The following OSBPL7 variants were observed in gnomAD, a reference collection of about 807,000 sequenced individuals.
The protein encoded by OSBPL7 is oxysterol binding protein like 7, also known as oxysterol-binding protein-related protein 7.
In OSBPL7, 66 loss-of-function variants were observed where a neutral mutation model predicts 115.8. That is an observed-to-expected ratio of 0.57 (90% CI 0.47 to 0.70). The LOEUF (loss-of-function observed/expected upper bound fraction) is 0.70, where lower values mean the gene tolerates loss of function less well. Ranked by LOEUF, OSBPL7 falls within the 30% of genes least tolerant of loss-of-function variation. OSBPL7 has a pLI of 0.00. For synonymous variants in OSBPL7, 441 were observed against 439.2 expected (o/e 1.00, Z -0.05); for missense variants, 902 against 1,125.5 (o/e 0.80, Z 2.84).
Position 47,816,676 on chromosome 17 carries a change from G to T in OSBPL7, c.815C>A (p.Ser272Tyr). ...TIGRVGRLHG[S>Y]VPNLSRYLES... ...CAGGTAGCGAGACAGGTTGGGAACA[G>T]AGCCATGGAGACGACCAACCTGTAG... Residue 272 changes from serine to tyrosine, a missense_variant, in exon 10 of 23, where the codon TCT becomes TAT. Physicochemically the swap from Ser to Tyr is moderately radical, Grantham distance 144. Coordinates refer to ENST00000007414, the MANE Select transcript of OSBPL7 (RefSeq NM_145798.3). This position sits in a 1 kb window ranked among gnomAD's most constrained non-coding sequence, Gnocchi z 5.8. The T allele has an allele frequency of 6.2e-7, 1 of 1,614,110 alleles. No homozygotes were observed. The highest frequency in any genetic ancestry group is 8.5e-7 in the Non-Finnish European group (1 of 1,180,030).
Position 47,818,385 on chromosome 17 carries a change from A to G in OSBPL7, c.482T>C (p.Val161Ala). 2 of 1,613,312 alleles carry G rather than the reference A, an allele frequency of 1.2e-6. No individual in the cohort carries two copies. Among genetic ancestry groups the G allele is most frequent in the Non-Finnish European group, 1.7e-6 (2 of 1,179,564 alleles). ...TGCTGTTGGAAGCTGGGCACCAGGA[A>G]CCTGTGGGGTGAGCCCAGGGTCAGG... is the stretch of plus-strand genomic sequence containing the variant. ...GSLPSTAHRKVPGAQLPTAAT... is the reference protein window; with the variant it reads ...GSLPSTAHRKAPGAQLPTAAT... Residue 161 changes from valine (V) to alanine (A), a missense_variant and splice_region_variant, in exon 7 of 23, where the codon GTT becomes GCT. Coordinates refer to ENST00000007414, the MANE Select transcript of OSBPL7 (RefSeq NM_145798.3).
Position 47,820,053 on chromosome 17 carries a change from A to C in OSBPL7, c.119T>G (p.Leu40Arg). 6.2e-7 allele frequency: 1 copy of C among 1,612,086 alleles called. No homozygotes were observed. Among genetic ancestry groups the C allele is most frequent in the Non-Finnish European group, 8.5e-7 (1 of 1,179,904 alleles). The change falls in exon 3 of 23, where the codon CTG (leucine) becomes CGG (arginine). Residue 40 changes from leucine to arginine, a missense_variant. Leu to Arg is a moderately radical substitution (Grantham distance 102). Around this residue, in one of 3 missense-constraint regions of OSBPL7, gnomAD observed 667 missense variants for 788.7 expected, o/e 0.85. Coordinates refer to ENST00000007414, the MANE Select transcript of OSBPL7 (RefSeq NM_145798.3). Reference sequence around the variant, plus strand: ...CTCAGGCATGACACCCTCTGTCCCCAGCCTGACCCGAGGCTCCTCCACCAC... The same window carrying C: ...CTCAGGCATGACACCCTCTGTCCCCCGCCTGACCCGAGGCTCCTCCACCAC... ...WEVVEEPRVR[L>R]GTEGVMPERQ... is the part of the protein sequence containing the mutation.
Position 47,813,329 on chromosome 17 carries a change from A to G in OSBPL7, c.1674T>C (p.Pro558=). ...YHRAGCKPFN[P]VLGETYECER... is the part of the protein sequence containing the mutation. ...CACACTCGTAGGTCTCCCCCAGGAC[A>G]GGGTTGAAGGGCTTGCAGCCGGCTC... The change falls in exon 16 of 23, where the codon CCT becomes CCC. Residue 558 remains proline, a synonymous_variant. Transcript: ENST00000007414. 1 of 1,614,048 alleles carries G rather than the reference A, an allele frequency of 6.2e-7. No individual in the cohort carries two copies. The highest frequency in any genetic ancestry group is 8.5e-7 in the Non-Finnish European group (1 of 1,180,012).
At chr17:47,820,543 T>C in intron 1 of OSBPL7, 178 bp from the exon 2 acceptor site, 1 of 460,834 alleles carries the variant, frequency 2.2e-6, no homozygotes, top group Non-Finnish European at 3.9e-6. Flanking sequence ...ATATGGACAC[T>C]GCCCTGAGAG....
intron 15 of OSBPL7, 31 bp downstream of exon 15, chr17:47,813,556 T>G (rs956010590): frequency 6.3e-7 from 1 of 1,598,468 alleles, no homozygotes; most frequent in African/African-American, 1.3e-5. Flanking sequence ...GAAGCAGCCT[T>G]GGGCTGGGCG....
chr17:47,819,676 G>T, intron 4 of OSBPL7, 53 bp downstream of exon 4: 1 of 1,605,950 alleles, frequency 6.2e-7, no homozygotes, highest in Non-Finnish European at 8.5e-7. Flanking sequence ...GCCTGCCCAG[G>T]GCATACTGGG....
At chr17:47,814,333 C>T (rs1373022283) in intron 14 of OSBPL7, among the ~76,000 whole-genome samples, 188 bp downstream of exon 14, 2 of 152,258 alleles carry the variant, frequency 1.3e-5, no homozygotes, top group Admixed American at 6.5e-5. Context: ...TGGCCCACCC[C>T]AGCAGAGCTG....
rs760766307 is a variant in OSBPL7, at chr17:47,820,070, C to T, written c.102G>A (p.Glu34=). Residue 34 remains glutamate (E), a synonymous_variant, in exon 3 of 23, where the codon GAG becomes GAA. Coordinates refer to ENST00000007414, the MANE Select transcript of OSBPL7 (RefSeq NM_145798.3). Reference sequence around the variant, plus strand: ...CTGTCCCCAGCCTGACCCGAGGCTCCTCCACCACCTCCCACAGCTCAGAGG... The same window carrying T: ...CTGTCCCCAGCCTGACCCGAGGCTCTTCCACCACCTCCCACAGCTCAGAGG... ...QQASELWEVV[E]EPRVRLGTEG... 3.1e-6 allele frequency: 5 copies of T among 1,612,550 alleles called. No homozygotes were observed. The highest frequency in any genetic ancestry group is 2.2e-5 in the East Asian group (1 of 44,878).
chr17:47,821,366 G>A (rs2143569179), intron 1 of OSBPL7, among the ~76,000 whole-genome samples: 1 of 152,308 alleles, frequency 6.6e-6, no homozygotes, highest in South Asian at 2.1e-4. Context: ...AGGAGGTTGG[G>A]GCAGAGGGAC....
chr17:47,820,285 G>A lies in OSBPL7; in HGVS notation c.-7C>T. 1 of 1,612,978 alleles carries A rather than the reference G, an allele frequency of 6.2e-7. No individual in the cohort carries two copies. The highest frequency in any genetic ancestry group is 8.5e-7 in the Non-Finnish European group (1 of 1,179,520). On this transcript the variant is annotated 5_prime_UTR_variant, in exon 2 of 23. Coordinates refer to ENST00000007414, the MANE Select transcript of OSBPL7 (RefSeq NM_145798.3). ...CCCTCTCTTGGAAGTCCATGGAGAA[G>A]GGAGAGGCCACTCCCTGCTGGGGAT...
In OSBPL7 at chr17:47,816,749, C is replaced by T; in HGVS notation, c.795+31G>A. On this transcript the variant is annotated intron_variant, in intron 9 of 22. Coordinates refer to ENST00000007414, the MANE Select transcript of OSBPL7 (RefSeq NM_145798.3). The surrounding 1 kb of genome is among the most constrained non-coding windows in gnomAD (Gnocchi z 5.8). Reference sequence around the variant, plus strand: ...GCCGGCCTCCTTAGAGCATCCTGCCCCAGCTACGTGAGGTGCATGCCCGAC... The same window carrying T: ...GCCGGCCTCCTTAGAGCATCCTGCCTCAGCTACGTGAGGTGCATGCCCGAC... 1 of 1,614,056 alleles carries T rather than the reference C, an allele frequency of 6.2e-7. No individual in the cohort carries two copies. Among genetic ancestry groups the T allele is most frequent in the African/African-American group, 1.3e-5 (1 of 74,998 alleles).
chr17:47,814,921 A>G, intron 13 of OSBPL7: 1 of 559,174 alleles, frequency 1.8e-6, no homozygotes. Context: ...GAGGGAATCA[A>G]GGGAGTGCTG....
At chr17:47,811,414 GCCAGCC>G (rs74866500) in intron 16 of OSBPL7, among the ~76,000 whole-genome samples, 11,988 of 152,048 alleles carry the variant, frequency 0.079, 610 homozygotes, top group African/African-American at 0.16. Flanking sequence ...CCCATGGTCT[GCCAGCC>G]CCATCCTGCC....
intron 16 of OSBPL7, 106 bp from the exon 17 acceptor site, chr17:47,810,941 T>C: frequency 1.8e-6 from 2 of 1,133,912 alleles, no homozygotes; most frequent in Admixed American, 2.1e-5. Context: ...CAAGACCAGT[T>C]GGTTCCAGGT....
chr17:47,808,734 C>T lies in OSBPL7; in HGVS notation c.2298-74G>A. 1.2e-6 allele frequency: 2 copies of T among 1,605,626 alleles called. No individual in the cohort carries two copies. The highest frequency in any genetic ancestry group is 3.4e-5 in the Admixed American group (2 of 59,132). On this transcript the variant is annotated intron_variant, in intron 21 of 22. Coordinates refer to ENST00000007414, the MANE Select transcript of OSBPL7 (RefSeq NM_145798.3). This position sits in a 1 kb window ranked among gnomAD's most constrained non-coding sequence, Gnocchi z 6.1. ...CCAAACCCAAGGCCTCTGTCTCTGC[C>T]CAACTCTGTCCTCTAGACAAGCCCC...
Position 47,813,846 on chromosome 17 carries a change from C to T in OSBPL7, c.1352-12G>A. On this transcript the variant is annotated splice_polypyrimidine_tract_variant and intron_variant, in intron 14 of 22. Transcript: ENST00000007414. Reference sequence around the variant, plus strand: ...TGGAACACACCCCCCTGGGGCCGCCCTGCCATGTCACTCTCCATCTGGGCA... The same window carrying T: ...TGGAACACACCCCCCTGGGGCCGCCTTGCCATGTCACTCTCCATCTGGGCA... 1 of 1,598,830 alleles carries T rather than the reference C, an allele frequency of 6.3e-7. No homozygotes were observed. Among genetic ancestry groups the T allele is most frequent in the East Asian group, 2.2e-5 (1 of 44,574 alleles).
At position 47,808,999 on chromosome 17, in the gene OSBPL7, A is replaced by G; in HGVS notation, c.2171-9T>C. 6.2e-7 allele frequency: 1 copy of G among 1,613,834 alleles called. No homozygotes were observed. Among genetic ancestry groups the G allele is most frequent in the Non-Finnish European group, 8.5e-7 (1 of 1,179,902 alleles). On this transcript the variant is annotated splice_polypyrimidine_tract_variant and intron_variant, in intron 20 of 22. Coordinates refer to ENST00000007414, the MANE Select transcript of OSBPL7 (RefSeq NM_145798.3). This position sits in a 1 kb window ranked among gnomAD's most constrained non-coding sequence, Gnocchi z 6.1. ...GTCGGGGGGCATTGAGTCTGGGGGAAGGCAAGGGGCTGGGGCAGGTGCACC... is the reference window on the plus strand; with the variant it reads ...GTCGGGGGGCATTGAGTCTGGGGGAGGGCAAGGGGCTGGGGCAGGTGCACC...
At chr17:47,819,339 C>G in intron 4 of OSBPL7, 2 of 570,398 alleles carry the variant, frequency 3.5e-6, no homozygotes, top group East Asian at 6.0e-5. Context: ...TATTCCCACC[C>G]TCAGGGGTCT....
At position 47,820,104 on chromosome 17, in the gene OSBPL7, C is replaced by T. The variant is rs755000338; in HGVS notation, c.76-8G>A. 5 of 1,612,810 alleles carry T rather than the reference C, an allele frequency of 3.1e-6. No individual in the cohort carries two copies. In the African/African-American group the frequency reaches 6.7e-5, roughly 22 times the overall value. On this transcript the variant is annotated splice_polypyrimidine_tract_variant and splice_region_variant and intron_variant, in intron 2 of 22. Coordinates refer to ENST00000007414, the MANE Select transcript of OSBPL7 (RefSeq NM_145798.3). ...CTCCCACAGCTCAGAGGCCTGCAGT[C>T]CAGGACAGAGGGAGGGGAGCACTGG...
Sources: allele counts gnomAD v4.1 joint callset (sites outside exome capture counted in the v4.1 genomes callset), GRCh38; gene constraint gnomAD v4.1.1; regional missense constraint gnomAD v4.1.1; non-coding constraint Gnocchi (gnomAD v3.1); transcripts MANE v1.5; gene names NCBI Gene and HGNC (gene_info 2026-07-23, HGNC 2026-07-21).